Variants in CDH6 observed in about 807,000 individuals in gnomAD.
CDH6 encodes cadherin-6.
Under a neutral mutation model 78.0 loss-of-function variants are expected in CDH6, and 31 were observed. The observed-to-expected ratio is 0.40, with a 90% CI of 0.30 to 0.54. The LOEUF (loss-of-function observed/expected upper bound fraction) is 0.54, where lower values mean the gene tolerates loss of function less well. CDH6 is among the 20% of genes least tolerant of loss of function. The probability of loss-of-function intolerance (pLI) is 0.56; values close to 1 mark genes in which losing one functional copy is unlikely to be tolerated. For synonymous variants in CDH6, 376 were observed against 368.8 expected (o/e 1.02, Z -0.23); for missense variants, 724 against 975.9 (o/e 0.74, Z 3.44).
chr5:31,210,197 C>T (rs922672421), intron 1 of CDH6, among the ~76,000 whole-genome samples: 4 of 151,652 alleles, frequency 2.6e-5, no homozygotes, highest in Admixed American at 2.6e-4. Context: ...CAACAAACAC[C>T]ATAAACTATG....
At chr5:31,194,860 T>C (rs1441508534) in intron 1 of CDH6, among the ~76,000 whole-genome samples, 1 of 152,164 alleles carries the variant, frequency 6.6e-6, no homozygotes, top group Non-Finnish European at 1.5e-5. Context: ...TTAGATATTC[T>C]GTCATGAGTT....
chr5:31,213,157 G>A (rs184916864), intron 1 of CDH6, among the ~76,000 whole-genome samples: 17 of 152,254 alleles, frequency 1.1e-4, no homozygotes, highest in East Asian at 1.9e-4. Flanking sequence ...AAGCTACACC[G>A]CTGGCTAGAT....
In CDH6 at chr5:31,302,288, C is replaced by T. The variant is rs772387044; in HGVS notation, c.989C>T (p.Thr330Ile). ...CAGGAAACCCAGGAAGGGATTATAA[C>T]TGTCAAAAAGGTAATGCCGCTTCTT... ...TDQETQEGII[T>I]VKKLLDFEKK... is the part of the protein sequence containing the mutation. Residue 330 changes from threonine to isoleucine, a missense_variant, in exon 6 of 12, where the codon ACT becomes ATT. Physicochemically the swap from Thr to Ile is moderately conservative, Grantham distance 89. Around this residue, in one of 3 missense-constraint regions of CDH6, gnomAD observed 446 missense variants for 684.5 expected, o/e 0.65. Coordinates refer to ENST00000265071, the MANE Select transcript of CDH6 (RefSeq NM_004932.4). The T allele has an allele frequency of 1.9e-6, 3 of 1,610,860 alleles. No individual in the cohort carries two copies. Among genetic ancestry groups the T allele is most frequent in the South Asian group, 1.1e-5 (1 of 90,718 alleles).
At position 31,325,588 on chromosome 5, in the gene CDH6, A is replaced by G. The variant is rs1341118314; in HGVS notation, c.*2280A>G. The G allele has an allele frequency of 4.3e-6, 1 of 230,754 alleles. No homozygotes were observed. The highest frequency in any genetic ancestry group is 8.6e-6 in the Non-Finnish European group (1 of 116,586). The allele number at this position is 230,754 out of a possible 1,614,324, so 14.3% of individuals were successfully genotyped here. A position where few individuals can be genotyped will look rare whatever the true frequency, so the allele number is the denominator to read the frequency against. ...ATAGTCCTGTAAAAAGAAAGGTATC[A>G]TCTGAAGTTGAGGATTGACACTAGC... is the stretch of plus-strand genomic sequence containing the variant. On this transcript the variant is annotated 3_prime_UTR_variant, in exon 12 of 12. Transcript: ENST00000265071.
chr5:31,299,734 G>T (rs776063914), intron 5 of CDH6, 103 bp downstream of exon 5: 10 of 952,682 alleles, frequency 1.0e-5, no homozygotes, highest in Non-Finnish European at 1.6e-5. Context: ...AAAGTTAGTG[G>T]ACTTAAGAAG....
At chr5:31,250,186 G>T (rs1378692555) in intron 1 of CDH6, 1 of 152,258 alleles carries the variant, frequency 6.6e-6, no homozygotes. Context: ...TCGGCACTGT[G>T]GCCAGAGTTG....
At chr5:31,209,379 C>T (rs950574484) in intron 1 of CDH6, among the ~76,000 whole-genome samples, 3 of 152,184 alleles carry the variant, frequency 2.0e-5, no homozygotes, top group East Asian at 1.9e-4. Context: ...AGTAACCTCT[C>T]TTATTAATAC....
intron 2 of CDH6, among the ~76,000 whole-genome samples, chr5:31,286,797 T>C (rs1027381671): frequency 3.3e-5 from 5 of 152,052 alleles, no homozygotes; most frequent in Non-Finnish European, 5.9e-5. Context: ...CTCCTTGCAA[T>C]AGACCAATGA....
chr5:31,247,918 C>T (rs886806643), intron 1 of CDH6, among the ~76,000 whole-genome samples: 1 of 152,126 alleles, frequency 6.6e-6, no homozygotes, highest in Admixed American at 6.5e-5. Context: ...CCAGAGAAGG[C>T]TCAACAACCA....
intron 8 of CDH6, 118 bp downstream of exon 8, chr5:31,313,572 G>A: frequency 1.0e-6 from 1 of 974,122 alleles, no homozygotes; most frequent in Non-Finnish European, 1.5e-6. Flanking sequence ...TATATTGAGG[G>A]AAAAAGCCCT....
In CDH6 at chr5:31,323,294, G is replaced by C. The variant is rs1166901173; in HGVS notation, c.2359G>C (p.Asp787His). 1.2e-6 allele frequency: 2 copies of C among 1,608,008 alleles called. No homozygotes were observed. Reference sequence around the variant, plus strand: ...AGATATGTATGGAGGAGTGGACAGTGACAAAGACTCCTAATCTGTTGCCTT... The same window carrying C: ...AGATATGTATGGAGGAGTGGACAGTCACAAAGACTCCTAATCTGTTGCCTT... The part of the protein sequence containing the change: ...LADMYGGVDS[D>H]KDS The change falls in exon 12 of 12, where the codon GAC (aspartate) becomes CAC (histidine). Residue 787 changes from aspartate to histidine, a missense_variant. Asp to His is a moderately conservative substitution (Grantham distance 81). Transcript: ENST00000265071.
In CDH6 at chr5:31,305,443, C is replaced by A; in HGVS notation, c.1253+16C>A. ...ATCCTGTCAAGTAAGCACACTTCTG[C>A]GACATGTCTCTTTCATAAGCTTCAG... On this transcript the variant is annotated intron_variant, in intron 7 of 11. Transcript: ENST00000265071. The A allele has an allele frequency of 6.2e-7, 1 of 1,600,396 alleles. No homozygotes were observed. Among genetic ancestry groups the A allele is most frequent in the Non-Finnish European group, 8.5e-7 (1 of 1,172,634 alleles).
intron 8 of CDH6, among the ~76,000 whole-genome samples, chr5:31,315,567 T>A (rs1738296514): frequency 6.6e-6 from 1 of 152,234 alleles, no homozygotes; most frequent in Non-Finnish European, 1.5e-5. Flanking sequence ...TAATTCCAAA[T>A]GAACAGCCTG....
At chr5:31,210,017 C>T (rs1740648393) in intron 1 of CDH6, among the ~76,000 whole-genome samples, 1 of 151,708 alleles carries the variant, frequency 6.6e-6, no homozygotes, top group South Asian at 2.1e-4. Flanking sequence ...GCTGGAAATT[C>T]TAGGTGCTAT....
At chr5:31,311,727 C>T (rs1398830601) in intron 7 of CDH6, among the ~76,000 whole-genome samples, 1 of 152,158 alleles carries the variant, frequency 6.6e-6, no homozygotes, top group East Asian at 1.9e-4. Context: ...AAGCACTACA[C>T]TTTTAAACCA....
chr5:31,205,087 C>T (rs977781486), intron 1 of CDH6, among the ~76,000 whole-genome samples: 1 of 152,134 alleles, frequency 6.6e-6, no homozygotes, highest in African/African-American at 2.4e-5. Flanking sequence ...ATCACTTTGC[C>T]AACTCAAGAT....
chr5:31,213,439 T>C (rs989865398), intron 1 of CDH6, among the ~76,000 whole-genome samples: 1 of 152,148 alleles, frequency 6.6e-6, no homozygotes, highest in Admixed American at 6.5e-5. Flanking sequence ...CCTTAGCTGT[T>C]GGGTGAAAGG....
intron 1 of CDH6, among the ~76,000 whole-genome samples, chr5:31,217,426 C>T (rs1271065880): frequency 6.6e-6 from 1 of 152,112 alleles, no homozygotes. Context: ...TCTCATCAGT[C>T]TTACCAGATG....
At position 31,280,931 on chromosome 5, in the gene CDH6, C is replaced by T. The variant is rs567154019; in HGVS notation, c.229-13031C>T. ...AAAAAAAAAAAAACTAATAAATGAG[C>T]TCATTATCTTCTTTCCTAGAATCAT... On this transcript the variant is annotated intron_variant, in intron 2 of 11. Transcript: ENST00000265071. Among the ~76,000 whole-genome samples the T allele has an allele frequency of 6.8e-4, 103 of 151,690 alleles. 1 individual carries two copies. The South Asian group carries it at 0.018, about 26-fold the overall frequency.
Sources: gnomAD v4.1 joint callset for allele counts (sites outside exome capture counted in the v4.1 genomes callset) on GRCh38, gnomAD v4.1.1 for gene constraint, gnomAD v4.1.1 regional missense constraint, MANE v1.5 for transcripts, NCBI Gene and HGNC (gene_info 2026-07-23, HGNC 2026-07-21) for gene names.